ABCA8: variants seen among roughly 807,000 people sequenced by gnomAD.
The protein encoded by ABCA8 is ATP binding cassette subfamily A member 8, also known as ABC-type organic anion transporter ABCA8.
In ABCA8, 177 loss-of-function variants were observed where a neutral mutation model predicts 192.3. That is an observed-to-expected ratio of 0.92 (90% CI 0.81 to 1.04). ABCA8 has a LOEUF of 1.04. Ranked by LOEUF, ABCA8 falls within the 50% of genes least tolerant of loss-of-function variation. The pLI is 0.00. For synonymous variants in ABCA8, 642 were observed against 690.2 expected (o/e 0.93, Z 1.09); for missense variants, 1,915 against 1,904.8 (o/e 1.01, Z -0.10).
At chr17:68,935,903 G>C (rs1378975279) in intron 5 of ABCA8, among the ~76,000 whole-genome samples, 1 of 151,912 alleles carries the variant, frequency 6.6e-6, no homozygotes, top group Non-Finnish European at 1.5e-5. Flanking sequence ...GGGTAAAATG[G>C]TTATCTCCTG....
At position 68,937,128 on chromosome 17, in the gene ABCA8, G is replaced by A. The variant is rs1013916156; in HGVS notation, c.302-13C>T. ...AAGACCTCTTTACCTTTTGTTACAA[G>A]AAGGAATATTATTGTTAGTAAATTA... On this transcript the variant is annotated splice_polypyrimidine_tract_variant and intron_variant, in intron 4 of 39. Transcript: ENST00000586539. The A allele has an allele frequency of 6.3e-7, 1 of 1,578,268 alleles. No individual in the cohort carries two copies. Among genetic ancestry groups the A allele is most frequent in the Non-Finnish European group, 8.6e-7 (1 of 1,166,382 alleles).
chr17:68,923,253 G>T (rs1466652936), intron 11 of ABCA8, among the ~76,000 whole-genome samples: 2 of 150,606 alleles, frequency 1.3e-5, no homozygotes, highest in East Asian at 1.9e-4. Flanking sequence ...AGGCTGGAGT[G>T]CAGTGGCACA....
intron 21 of ABCA8, among the ~76,000 whole-genome samples, chr17:68,901,012 T>TATCTC (rs2066895591): frequency 6.6e-6 from 1 of 152,138 alleles, no homozygotes; most frequent in Non-Finnish European, 1.5e-5. Flanking sequence ...GTGAAAAATG[T>TATCTC]GGCATGAAAT....
intron 24 of ABCA8, among the ~76,000 whole-genome samples, chr17:68,890,682 C>G (rs1348623086): frequency 6.6e-6 from 1 of 152,148 alleles, no homozygotes; most frequent in Non-Finnish European, 1.5e-5. Context: ...CCACACCCAG[C>G]TAATTTTTGT....
Position 68,918,110 on chromosome 17 carries a change from G to T in ABCA8, c.1984C>A (p.Arg662Ser). The T allele has an allele frequency of 6.2e-7, 1 of 1,614,168 alleles. No homozygotes were observed. The highest frequency in any genetic ancestry group is 8.5e-7 in the Non-Finnish European group (1 of 1,180,026). Residue 662 changes from arginine (R) to serine (S), a missense_variant, in exon 16 of 40, where the codon CGC (arginine) becomes AGC (serine). Coordinates refer to ENST00000586539, the MANE Select transcript of ABCA8 (RefSeq NM_001288985.2). ...RHQVWNLLKE[R>S]KTDRVILFST... ...AAGAGGATCACGCGGTCTGTTTTGC[G>T]TTCTTTCAGAAGGTTCCATACTTGG...
At chr17:68,937,917 CT>C (rs947963166) in intron 4 of ABCA8, among the ~76,000 whole-genome samples, 22 of 152,058 alleles carry the variant, frequency 1.4e-4, no homozygotes, top group African/African-American at 5.3e-4. Flanking sequence ...AAAATATTCT[CT>C]TTTTACAGAA....
At chr17:68,912,707 T>C (rs1252542472) in intron 17 of ABCA8, among the ~76,000 whole-genome samples, 2 of 152,104 alleles carry the variant, frequency 1.3e-5, no homozygotes, top group Non-Finnish European at 2.9e-5. Context: ...CAATTGTAAA[T>C]ATATATGCAC....
intron 2 of ABCA8, among the ~76,000 whole-genome samples, chr17:68,942,419 C>G (rs1005179223): frequency 6.6e-6 from 1 of 152,316 alleles, no homozygotes; most frequent in Middle Eastern, 3.4e-3. Context: ...TGATGCCATC[C>G]AGGTATCAGA....
intron 7 of ABCA8, 142 bp downstream of exon 7, chr17:68,932,146 C>G: frequency 3.4e-6 from 2 of 596,352 alleles, no homozygotes; most frequent in Admixed American, 3.1e-5. Context: ...TGAGGCGGAG[C>G]TTGCAGTGAG....
Position 68,921,476 on chromosome 17 carries a change from A to T in ABCA8, c.1518T>A (p.Ile506=). 6.2e-7 allele frequency: 1 copy of T among 1,602,956 alleles called. No homozygotes were observed. Residue 506 remains isoleucine (I), a synonymous_variant, in exon 13 of 40, where the codon ATT becomes ATA. Coordinates refer to ENST00000586539, the MANE Select transcript of ABCA8 (RefSeq NM_001288985.2). ...IEALKDLVFD[I]YEGQITAILG... is the part of the protein sequence containing the mutation. ...GTATTGCAGTGATTTGGCCTTCGTA[A>T]ATGTCAAATACCAGATCTAGGAAGA...
chr17:68,929,653 A>G lies in ABCA8; in HGVS notation c.847T>C (p.Phe283Leu). The G allele has an allele frequency of 6.2e-7, 1 of 1,613,690 alleles. No individual in the cohort carries two copies. The highest frequency in any genetic ancestry group is 8.5e-7 in the Non-Finnish European group (1 of 1,179,764). Reference protein sequence around the residue: ...YAGFIFIMALFLALVIRSTQF... With the variant: ...YAGFIFIMALLLALVIRSTQF... ...GTAGATCTTATAACAAGTGCCAAGA[A>G]AAGGGCCATAATGAAGATGAAACCA... The change falls in exon 8 of 40, where the codon TTC becomes CTC. Residue 283 changes from phenylalanine to leucine, a missense_variant. Transcript: ENST00000586539.
intron 17 of ABCA8, among the ~76,000 whole-genome samples, chr17:68,908,086 A>G (rs909952584): frequency 1.3e-5 from 2 of 152,192 alleles, no homozygotes; most frequent in Admixed American, 1.3e-4. Context: ...TGATGGACAA[A>G]AGAAAAGAAT....
chr17:68,921,381 C>T lies in ABCA8; in HGVS notation c.1612+1G>A, dbSNP rs773018554. The T allele has an allele frequency of 3.1e-6, 5 of 1,598,978 alleles. No individual in the cohort carries two copies. Among genetic ancestry groups the T allele is most frequent in the Non-Finnish European group, 4.3e-6 (5 of 1,171,738 alleles). ...AAAAAAGAAAACAAACTAGTTTGTA[C>T]CTTTGGTGGGAACAGACAACCCACT... On this transcript the variant is annotated splice_donor_variant, in intron 13 of 39. Transcript: ENST00000586539. LOFTEE classifies it high-confidence loss of function.
intron 17 of ABCA8, among the ~76,000 whole-genome samples, chr17:68,916,846 A>T (rs1343003294): frequency 6.6e-6 from 1 of 152,230 alleles, no homozygotes; most frequent in Non-Finnish European, 1.5e-5. Flanking sequence ...TTTTTTAGTC[A>T]TATTTATCTA....
intron 5 of ABCA8, among the ~76,000 whole-genome samples, chr17:68,935,963 G>A (rs774683817): frequency 1.1e-4 from 16 of 151,946 alleles, no homozygotes; most frequent in Middle Eastern, 3.2e-3. Context: ...ATTTTTTTAC[G>A]TTGGTTGGTT....
intron 17 of ABCA8, among the ~76,000 whole-genome samples, chr17:68,916,285 T>G (rs903412906): frequency 1.3e-5 from 2 of 152,116 alleles, no homozygotes; most frequent in African/African-American, 4.8e-5. Context: ...TTTTATTACA[T>G]GTACAATATA....
At chr17:68,917,617 C>T (rs1231266727) in intron 16 of ABCA8, among the ~76,000 whole-genome samples, 166 bp from the exon 17 acceptor site, 2 of 152,102 alleles carry the variant, frequency 1.3e-5, no homozygotes, top group African/African-American at 4.8e-5. Flanking sequence ...ATTTTAATCT[C>T]GTTTACGTGA....
At chr17:68,884,845 G>T in intron 27 of ABCA8, 2 of 985,240 alleles carry the variant, frequency 2.0e-6, no homozygotes, top group Non-Finnish European at 2.4e-6. Flanking sequence ...TGCTTATCTT[G>T]GGTGCTTCTT....
Position 68,894,926 on chromosome 17 carries a change from T to C in ABCA8, c.2852A>G (p.Asp951Gly), listed in dbSNP as rs1395778054. 6.2e-7 allele frequency: 1 copy of C among 1,613,734 alleles called. No homozygotes were observed. The highest frequency in any genetic ancestry group is 8.5e-7 in the Non-Finnish European group (1 of 1,179,790). The change falls in exon 22 of 40, where the codon GAT (aspartate) becomes GGT (glycine). Residue 951 changes from aspartate to glycine, a missense_variant. By Grantham distance (94) the Asp-to-Gly change is moderately conservative. Coordinates refer to ENST00000586539, the MANE Select transcript of ABCA8 (RefSeq NM_001288985.2). ...VDAFGTRNGT[D>G]DPSYNGAITV... ...GATGGCTCCATTATAAGATGGGTCA[T>C]CTGTGCCATTTCTAGTTCCAAATGC...
Sources: gnomAD v4.1 joint callset for allele counts (sites outside exome capture counted in the v4.1 genomes callset) on GRCh38, gnomAD v4.1.1 for gene constraint, MANE v1.5 for transcripts, NCBI Gene and HGNC (gene_info 2026-07-23, HGNC 2026-07-21) for gene names.